Variants in LMBR1 observed in about 807,000 individuals in gnomAD.
LMBR1 encodes limb region 1 protein homolog.
In LMBR1, 52 loss-of-function variants were observed where a neutral mutation model predicts 73.9. The observed-to-expected ratio is 0.70, with a 90% CI of 0.56 to 0.89. The LOEUF (loss-of-function observed/expected upper bound fraction) is 0.89, where lower values mean the gene tolerates loss of function less well. Ranked by LOEUF, LMBR1 falls within the 40% of genes least tolerant of loss-of-function variation. The pLI, the probability that LMBR1 is intolerant of heterozygous loss-of-function variation, is 0.00. For missense variants in LMBR1, 539 were observed against 579.8 expected (o/e 0.93, Z 0.72); for synonymous variants, 215 against 209.4 (o/e 1.03, Z -0.23).
chr7:156,799,249 T>A (rs567642064), intron 4 of LMBR1, among the ~76,000 whole-genome samples: 2 of 152,004 alleles, frequency 1.3e-5, no homozygotes, highest in Non-Finnish European at 2.9e-5. Context: ...CTAAAGCCGA[T>A]TGCATGTTGC....
intron 4 of LMBR1, among the ~76,000 whole-genome samples, chr7:156,809,794 G>C (rs1832777387): frequency 6.6e-6 from 1 of 152,062 alleles, no homozygotes; most frequent in South Asian, 2.1e-4. Flanking sequence ...TCTTTTTGTA[G>C]ATGCATTTAA....
chr7:156,785,599 G>A (rs1450742657), intron 5 of LMBR1, among the ~76,000 whole-genome samples: 1 of 152,158 alleles, frequency 6.6e-6, no homozygotes. Flanking sequence ...AAGGTCAGGA[G>A]AGACTGACAC....
intron 9 of LMBR1, among the ~76,000 whole-genome samples, chr7:156,737,021 C>T (rs1429623445): frequency 6.6e-6 from 1 of 152,150 alleles, no homozygotes; most frequent in African/African-American, 2.4e-5. Flanking sequence ...CCTTTCACCC[C>T]GGGACTGCCT....
intron 1 of LMBR1, among the ~76,000 whole-genome samples, chr7:156,868,605 G>C (rs932198662): frequency 6.6e-6 from 1 of 151,952 alleles, no homozygotes; most frequent in Admixed American, 6.6e-5. Flanking sequence ...GGAGGTTGCA[G>C]TGAGCCTAGA....
Position 156,892,838 on chromosome 7 carries a change from G to A in LMBR1, c.66+90C>T, listed in dbSNP as rs1212977268. 4.4e-5 allele frequency: 38 copies of A among 865,920 alleles called. 1 individual carries two copies. The highest frequency in any genetic ancestry group is 5.4e-5 in the Non-Finnish European group (36 of 669,958). 53.6% of individuals were successfully genotyped at this position (865,920 alleles called of 1,614,324 possible). A position where few individuals can be genotyped will look rare whatever the true frequency, so the allele number is the denominator to read the frequency against. On this transcript the variant is annotated intron_variant, in intron 1 of 16. Coordinates refer to ENST00000353442, the MANE Select transcript of LMBR1 (RefSeq NM_022458.4). Reference sequence around the variant, plus strand: ...GAGGCGCGAGGCGAGGCCCGGAGGTGAGGGGTCCGGGGACCGGGGGCCCGG... The same window carrying A: ...GAGGCGCGAGGCGAGGCCCGGAGGTAAGGGGTCCGGGGACCGGGGGCCCGG...
chr7:156,782,980 T>C (rs922921705), intron 5 of LMBR1, among the ~76,000 whole-genome samples: 1 of 152,224 alleles, frequency 6.6e-6, no homozygotes, highest in Admixed American at 6.5e-5. Flanking sequence ...TCTTGTAATA[T>C]TTGATAGAGG....
At chr7:156,676,357 A>T, downstream of LMBR1, 1 of 1,613,692 alleles carries the variant, frequency 6.2e-7, no homozygotes, top group African/African-American at 1.3e-5. Flanking sequence ...ATTTCAGTTT[A>T]AGTAACTTTC....
At chr7:156,882,509 G>C (rs555697018) in intron 1 of LMBR1, among the ~76,000 whole-genome samples, 2 of 152,150 alleles carry the variant, frequency 1.3e-5, no homozygotes, top group Non-Finnish European at 2.9e-5. Flanking sequence ...GAAAAAAAGA[G>C]AGTCACAAGA....
At chr7:156,751,020 C>T (rs976272302) in intron 9 of LMBR1, among the ~76,000 whole-genome samples, 9 of 151,954 alleles carry the variant, frequency 5.9e-5, no homozygotes, top group Admixed American at 2.6e-4. Context: ...TAAAGGGGAA[C>T]GATCACCTGA....
intron 3 of LMBR1, among the ~76,000 whole-genome samples, chr7:156,832,836 G>A (rs1457106605): frequency 6.6e-6 from 1 of 152,102 alleles, no homozygotes; most frequent in African/African-American, 2.4e-5. Flanking sequence ...TCAAGGTCAG[G>A]AAAGTCAAGG....
chr7:156,811,233 T>C (rs954790282), intron 4 of LMBR1, among the ~76,000 whole-genome samples: 10 of 127,460 alleles, frequency 7.8e-5, no homozygotes, highest in Non-Finnish European at 1.4e-4. Flanking sequence ...TTTTCATCTC[T>C]AGAATTTTGT....
At chr7:156,852,534 T>G (rs1477338346) in intron 1 of LMBR1, among the ~76,000 whole-genome samples, 2 of 152,182 alleles carry the variant, frequency 1.3e-5, no homozygotes, top group Admixed American at 1.3e-4. Flanking sequence ...AAGTAATCCT[T>G]TAGAGATCTA....
At chr7:156,768,012 T>C (rs1824434560) in intron 5 of LMBR1, among the ~76,000 whole-genome samples, 1 of 152,202 alleles carries the variant, frequency 6.6e-6, no homozygotes. Context: ...ATCCACTATA[T>C]TATTATGTTC....
At chr7:156,703,741 G>A (rs1219644746) in intron 15 of LMBR1, among the ~76,000 whole-genome samples, 1 of 152,106 alleles carries the variant, frequency 6.6e-6, no homozygotes. Context: ...GGGGACCTGA[G>A]TACAATTGCC....
At chr7:156,728,601 AAATAT>A (rs1816228610) in intron 11 of LMBR1, 38 bp downstream of exon 11, 3 of 1,408,050 alleles carry the variant, frequency 2.1e-6, no homozygotes, top group Non-Finnish European at 2.9e-6. Flanking sequence ...GAAGTAAATA[AAATAT>A]AATTTGCTTT....
In LMBR1 at chr7:156,799,137, G is replaced by T. The variant is rs549787778; in HGVS notation, c.320-2645C>A. On this transcript the variant is annotated intron_variant, in intron 4 of 16. Transcript: ENST00000353442. ...GAATTGCTTGAACCCAGCAGGCAGA[G>T]GTTGCAGTGAGCCGAGATTGCACCA... Among the ~76,000 whole-genome samples, 11 of 152,048 alleles carry T rather than the reference G, an allele frequency of 7.2e-5. No homozygotes were observed. In the South Asian group the frequency reaches 1.2e-3, roughly 17 times the overall value.
Position 156,700,263 on chromosome 7 carries a change from A to C in LMBR1, c.1226-12072T>G, listed in dbSNP as rs540496053. On this transcript the variant is annotated intron_variant, in intron 15 of 16. Transcript: ENST00000353442. The stretch of plus-strand genomic sequence containing the variant: ...TGTAGGGACATGGATGAAACTGGAA[A>C]CCATCATTCTCAGCAAACTATTGCA... 1.6e-3 allele frequency among the ~76,000 whole-genome samples: 238 copies of C among 152,292 alleles called. 4 individuals carry two copies. The East Asian group carries it at 0.04, about 25-fold the overall frequency.
intron 15 of LMBR1, among the ~76,000 whole-genome samples, chr7:156,714,489 T>C (rs1812767105): frequency 6.6e-6 from 1 of 152,232 alleles, no homozygotes; most frequent in Non-Finnish European, 1.5e-5. Flanking sequence ...TCTTTATTAC[T>C]AATGGCTCAG....
At chr7:156,880,460 T>C (rs1336358649) in intron 1 of LMBR1, among the ~76,000 whole-genome samples, 1 of 151,322 alleles carries the variant, frequency 6.6e-6, no homozygotes, top group Non-Finnish European at 1.5e-5. Flanking sequence ...ACTTAACTCA[T>C]GTAACCAAAA....
Sources: gnomAD v4.1 joint callset for allele counts (sites outside exome capture counted in the v4.1 genomes callset) on GRCh38, gnomAD v4.1.1 for gene constraint, MANE v1.5 for transcripts, NCBI Gene and HGNC (gene_info 2026-07-23, HGNC 2026-07-21) for gene names.